ACOXL: variants seen among roughly 807,000 people sequenced by gnomAD.
ACOXL encodes acyl-CoA oxidase like.
Under a neutral mutation model 71.9 loss-of-function variants are expected in ACOXL, and 70 were observed. The ratio of observed to expected loss-of-function variants is 0.97; its 90% confidence interval spans 0.80 to 1.19. The LOEUF is 1.19. Among genes scored for constraint, ACOXL ranks in the 50% most tolerant of loss-of-function variants. The pLI, the probability that ACOXL is intolerant of heterozygous loss-of-function variation, is 0.00. For missense variants in ACOXL, 703 were observed against 736.3 expected, an observed-to-expected ratio of 0.95 and a Z score of 0.52; for synonymous variants, 253 against 281.6, an observed-to-expected ratio of 0.90 and a Z score of 1.02.
intron 5 of ACOXL, among the ~76,000 whole-genome samples, chr2:110,797,873 G>A (rs1321365010): frequency 6.6e-6 from 1 of 152,124 alleles, no homozygotes; most frequent in African/African-American, 2.4e-5. Flanking sequence ...TGAGTTAAAG[G>A]TCAAAACTTT....
At chr2:110,998,986 T>C (rs1455227123) in intron 14 of ACOXL, among the ~76,000 whole-genome samples, 1 of 152,198 alleles carries the variant, frequency 6.6e-6, no homozygotes, top group Non-Finnish European at 1.5e-5. Context: ...AATGAGTAAA[T>C]GTGTGTTGGG....
At chr2:110,762,682 G>A (rs1054725749) in intron 1 of ACOXL, among the ~76,000 whole-genome samples, 1 of 151,938 alleles carries the variant, frequency 6.6e-6, no homozygotes, top group Non-Finnish European at 1.5e-5. Context: ...TTGAGACAGG[G>A]TCTCACTCTG....
intron 14 of ACOXL, among the ~76,000 whole-genome samples, chr2:111,030,677 A>G (rs2065224349): frequency 6.6e-6 from 1 of 152,116 alleles, no homozygotes; most frequent in African/African-American, 2.4e-5. Context: ...TTAAATACAA[A>G]TGAGAAGCAG....
At chr2:110,892,490 G>A (rs943769861) in intron 10 of ACOXL, among the ~76,000 whole-genome samples, 2 of 152,110 alleles carry the variant, frequency 1.3e-5, no homozygotes, top group Non-Finnish European at 2.9e-5. Flanking sequence ...GGACATAAAT[G>A]GCGCTCAACC....
Position 110,968,540 on chromosome 2 carries a change from C to T in ACOXL, c.1060-18568C>T, listed in dbSNP as rs553733011. The T allele has an allele frequency of 7.4e-5, 84 of 1,128,730 alleles. No homozygotes were observed. In the East Asian group the frequency reaches 1.1e-3, roughly 15 times the overall value. 69.9% of individuals were successfully genotyped at this position (1,128,730 alleles called of 1,614,324 possible). The stretch of plus-strand genomic sequence containing the variant: ...AAGAACAGCGTAACTCCAGACATGA[C>T]GGAGGAGATGTATAAGAAAGCTCAT... On this transcript the variant is annotated intron_variant, in intron 12 of 17. Coordinates refer to ENST00000439055, the MANE Select transcript of ACOXL (RefSeq NM_001142807.4).
intron 2 of ACOXL, among the ~76,000 whole-genome samples, chr2:110,771,476 G>A (rs1003389126): frequency 1.3e-5 from 2 of 152,174 alleles, no homozygotes; most frequent in African/African-American, 4.8e-5. Context: ...TGTATAATGT[G>A]TAATGATGAT....
At chr2:111,011,018 T>C (rs560034896) in intron 14 of ACOXL, among the ~76,000 whole-genome samples, 1 of 152,290 alleles carries the variant, frequency 6.6e-6, no homozygotes, top group South Asian at 2.1e-4. Context: ...ATGCTAAACA[T>C]ATAAGGAACT....
intron 10 of ACOXL, among the ~76,000 whole-genome samples, chr2:110,849,743 G>A (rs1692370589): frequency 6.9e-6 from 1 of 145,852 alleles, no homozygotes; most frequent in African/African-American, 2.5e-5. Flanking sequence ...GGGTGACAGA[G>A]TGAGAAAAAC....
chr2:110,779,789 T>C (rs1683106421), intron 2 of ACOXL, among the ~76,000 whole-genome samples: 1 of 152,208 alleles, frequency 6.6e-6, no homozygotes, highest in African/African-American at 2.4e-5. Context: ...CCCTACCTCA[T>C]GCTACACACA....
chr2:110,793,545 CAG>C (rs1684911363), intron 3 of ACOXL, 103 bp from the exon 4 acceptor site: 5 of 1,042,220 alleles, frequency 4.8e-6, no homozygotes, highest in Middle Eastern at 2.0e-4. Context: ...AGGTCAAGCA[CAG>C]GGGGCTGAAT....
chr2:110,732,902 A>T (rs1676349189), intron 1 of ACOXL, 128 bp downstream of exon 1: 1 of 152,114 alleles, frequency 6.6e-6, no homozygotes, highest in African/African-American at 2.4e-5. Flanking sequence ...CGCGCCTGAG[A>T]GGCGGGTCCC....
chr2:110,883,030 C>T (rs964759128), intron 10 of ACOXL, among the ~76,000 whole-genome samples: 2 of 151,658 alleles, frequency 1.3e-5, no homozygotes, highest in Non-Finnish European at 2.9e-5. Flanking sequence ...AACTTTGTGC[C>T]AGTTTCCAGT....
rs190631714 is a variant in ACOXL, at chr2:111,115,660, G to C, written c.1543-1956G>C. Reference sequence around the variant, plus strand: ...AGGAATGATGCCGGATCCGTCCATTGAGACAATAATCATTCTGAGGTTTCT... The same window carrying C: ...AGGAATGATGCCGGATCCGTCCATTCAGACAATAATCATTCTGAGGTTTCT... On this transcript the variant is annotated intron_variant, in intron 17 of 17. Transcript: ENST00000439055. 1.6e-4 allele frequency: 24 copies of C among 152,350 alleles called. No individual in the cohort carries two copies. In the East Asian group the frequency reaches 3.9e-3, roughly 24 times the overall value. 9.4% of individuals were successfully genotyped at this position (152,350 alleles called of 1,614,324 possible). A position where few individuals can be genotyped will look rare whatever the true frequency, so the allele number is the denominator to read the frequency against.
intron 9 of ACOXL, among the ~76,000 whole-genome samples, chr2:110,810,551 C>T (rs1477768976): frequency 1.3e-5 from 2 of 152,036 alleles, no homozygotes; most frequent in African/African-American, 2.4e-5. Flanking sequence ...ATCCATTCAT[C>T]ATTCATCCAT....
chr2:111,006,998 T>A (rs1200406312), intron 14 of ACOXL, among the ~76,000 whole-genome samples: 2 of 152,116 alleles, frequency 1.3e-5, no homozygotes, highest in Non-Finnish European at 2.9e-5. Flanking sequence ...GGGAATCCTG[T>A]TATGGAAGAG....
chr2:111,040,205 T>C (rs2065713717), intron 15 of ACOXL, among the ~76,000 whole-genome samples: 1 of 152,226 alleles, frequency 6.6e-6, no homozygotes, highest in South Asian at 2.1e-4. Context: ...TGCTCTGTTC[T>C]TTCTTCTTGC....
intron 3 of ACOXL, 42 bp downstream of exon 3, chr2:110,784,857 G>T: frequency 1.3e-6 from 2 of 1,524,294 alleles, no homozygotes; most frequent in Non-Finnish European, 1.8e-6. Flanking sequence ...ATGCATGCTC[G>T]CTTTGCATGC....
At chr2:110,926,006 C>T (rs1192622146) in intron 11 of ACOXL, among the ~76,000 whole-genome samples, 4 of 151,984 alleles carry the variant, frequency 2.6e-5, no homozygotes, top group South Asian at 2.1e-4. Context: ...GCCTGAGGAG[C>T]GGGAGAGAGA....
At chr2:110,902,837 G>C (rs1423300921) in intron 10 of ACOXL, among the ~76,000 whole-genome samples, 1 of 152,200 alleles carries the variant, frequency 6.6e-6, no homozygotes, top group African/African-American at 2.4e-5. Flanking sequence ...GAGGGTTTCT[G>C]TGGGAGCCAC....
Sources: allele counts gnomAD v4.1 joint callset (sites outside exome capture counted in the v4.1 genomes callset), GRCh38; gene constraint gnomAD v4.1.1; transcripts MANE v1.5; gene names NCBI Gene and HGNC (gene_info 2026-07-23, HGNC 2026-07-21).